TNS1: variants seen among roughly 807,000 people sequenced by gnomAD.
TNS1 encodes tensin 1, also known as tensin-1.
Under a neutral mutation model 168.6 loss-of-function variants are expected in TNS1, and 62 were observed. The ratio of observed to expected loss-of-function variants is 0.37; its 90% CI spans 0.30 to 0.45. TNS1 has a LOEUF of 0.45. Ranked by LOEUF, TNS1 falls within the 20% of genes least tolerant of loss-of-function variation. The pLI is 1.00. For missense variants in TNS1, 2,240 were observed against 2,339.4 expected (o/e 0.96, Z 0.88); for synonymous variants, 934 against 933.2 (o/e 1.00, Z -0.02).
At position 218,033,256 on chromosome 2, in the gene TNS1, A is replaced by T. The variant is rs1362573929; in HGVS notation, c.156+564T>A. ...TCCCTGGCAGACTCCTCCAGAGCAG[A>T]CACCTGCCTCCCAGCTCAGACCTGT... is the stretch of plus-strand genomic sequence containing the variant. On this transcript the variant is annotated intron_variant, in intron 1 of 1. Coordinates refer to the TNS1 transcript ENST00000649572. This position sits in a 1 kb window ranked among gnomAD's most constrained non-coding sequence, Gnocchi z 4.3. Among the ~76,000 whole-genome samples the T allele has an allele frequency of 6.6e-6, 1 of 152,100 alleles. No individual in the cohort carries two copies. Among genetic ancestry groups the T allele is most frequent in the African/African-American group, 2.4e-5 (1 of 41,422 alleles).
At chr2:217,871,878 C>T (rs868075142) in intron 18 of TNS1, among the ~76,000 whole-genome samples, 1 of 152,274 alleles carries the variant, frequency 6.6e-6, no homozygotes, top group African/African-American at 2.4e-5. Context: ...TGTGAGCAAC[C>T]TTTCCAGGCT....
intron 1 of TNS1, among the ~76,000 whole-genome samples, chr2:218,028,346 C>T (rs1958866674): frequency 6.6e-6 from 1 of 152,194 alleles, no homozygotes; most frequent in South Asian, 2.1e-4. Flanking sequence ...ACAGCTCCAC[C>T]CCGTACAGCA....
chr2:217,906,439 T>G, intron 5 of TNS1, 54 bp from the exon 6 acceptor site: 1 of 702,296 alleles, frequency 1.4e-6, no homozygotes, highest in Non-Finnish European at 2.6e-6. Flanking sequence ...ATAATCAAAA[T>G]GCACCTTGCT....
intron 1 of TNS1, among the ~76,000 whole-genome samples, chr2:218,017,961 G>C (rs924957992): frequency 5.3e-5 from 8 of 152,244 alleles, no homozygotes; most frequent in Non-Finnish European, 1.2e-4. Context: ...ACGCCTGAGG[G>C]AGAGGAGCCA....
intron 3 of TNS1, among the ~76,000 whole-genome samples, chr2:217,964,592 G>A (rs372654307): frequency 6.6e-6 from 1 of 152,200 alleles, no homozygotes; most frequent in African/African-American, 2.4e-5. Flanking sequence ...TCCTGTGTGT[G>A]CTAGGATATA....
At chr2:217,844,516 A>G (rs777033021) in intron 19 of TNS1, among the ~76,000 whole-genome samples, 2 of 152,146 alleles carry the variant, frequency 1.3e-5, no homozygotes, top group Non-Finnish European at 2.9e-5. Context: ...GCCATTCTCC[A>G]AACATTTTCT....
rs899795447 is a variant in TNS1 at position 217,981,028 on chromosome 2, C to A, written c.149-2226G>T. ...ATTTCCTGGTTATTTTCTGAAGTTGCCCTGGGTAACTTCTCTCTAATCTAT... is the reference window on the plus strand; with the variant it reads ...ATTTCCTGGTTATTTTCTGAAGTTGACCTGGGTAACTTCTCTCTAATCTAT... On this transcript the variant is annotated intron_variant, in intron 2 of 32. Coordinates refer to ENST00000682258, the MANE Select transcript of TNS1 (RefSeq NM_001387777.1). Among the ~76,000 whole-genome samples, 5 of 152,198 alleles carry A rather than the reference C, an allele frequency of 3.3e-5. 1 individual carries two copies. The East Asian group carries it at 9.6e-4, about 29-fold the overall frequency.
intron 18 of TNS1, chr2:217,849,756 A>G: frequency 1.0e-6 from 1 of 985,436 alleles, no homozygotes; most frequent in Non-Finnish European, 1.2e-6. Flanking sequence ...GAATGCCCAT[A>G]GAGGTATCAG....
chr2:217,818,275 G>T lies in TNS1; in HGVS notation c.4057C>A (p.His1353Asn), dbSNP rs768650809. The T allele has an allele frequency of 6.2e-7, 1 of 1,613,626 alleles. No individual in the cohort carries two copies. ...TTPGSPSLCR[H>N]PAGVYQVSGL... The stretch of plus-strand genomic sequence containing the variant: ...GAAACCTGGTAGACCCCTGCTGGGT[G>T]CCGACACAGGCTGGGGCTCCCCGGG... The change falls in exon 24 of 33, where the codon CAC becomes AAC. Residue 1353 changes from histidine to asparagine, a missense_variant. Transcript: ENST00000682258.
intron 18 of TNS1, among the ~76,000 whole-genome samples, chr2:217,850,826 C>G (rs1197920865): frequency 1.3e-5 from 2 of 152,166 alleles, no homozygotes; most frequent in Non-Finnish European, 2.9e-5. Flanking sequence ...GAACCACAGT[C>G]AGACAGCACC....
chr2:217,954,826 C>T (rs939391639), intron 3 of TNS1, among the ~76,000 whole-genome samples: 2 of 152,212 alleles, frequency 1.3e-5, no homozygotes, highest in Non-Finnish European at 2.9e-5. Context: ...GGGCTTCCTG[C>T]ACACATGGTG....
chr2:217,882,247 A>G (rs1950752051), intron 17 of TNS1, 99 bp downstream of exon 17: 1 of 810,020 alleles, frequency 1.2e-6, no homozygotes, highest in Non-Finnish European at 2.0e-6. Flanking sequence ...CTCAAAAATA[A>G]CTTGATCACT....
At chr2:217,982,492 C>A (rs1240647853) in intron 2 of TNS1, among the ~76,000 whole-genome samples, 1 of 150,202 alleles carries the variant, frequency 6.7e-6, no homozygotes, top group Non-Finnish European at 1.5e-5. Flanking sequence ...CAATCTCCAT[C>A]TACCAGGCTC....
intron 1 of TNS1, among the ~76,000 whole-genome samples, chr2:218,029,199 C>T (rs549124131): frequency 1.3e-5 from 2 of 149,148 alleles, no homozygotes; most frequent in African/African-American, 2.4e-5. Flanking sequence ...GCTTCTTTCT[C>T]CTTTCCCTCC....
intron 4 of TNS1, among the ~76,000 whole-genome samples, chr2:217,912,639 A>G (rs1230432592): frequency 6.6e-6 from 1 of 152,200 alleles, no homozygotes; most frequent in Admixed American, 6.5e-5. Context: ...AAATAGAATC[A>G]TAAGCAAATG....
At chr2:217,850,911 C>T (rs1415762481) in intron 18 of TNS1, among the ~76,000 whole-genome samples, 1 of 152,104 alleles carries the variant, frequency 6.6e-6, no homozygotes, top group Non-Finnish European at 1.5e-5. Flanking sequence ...GCCAACACTT[C>T]GCCAGGCACT....
At chr2:217,996,512 A>C (rs572330828) in intron 1 of TNS1, among the ~76,000 whole-genome samples, 14 of 151,738 alleles carry the variant, frequency 9.2e-5, no homozygotes, top group African/African-American at 2.9e-4. Flanking sequence ...CCCCACCCCC[A>C]TGCCCTAGCC....
Position 217,956,174 on chromosome 2 carries a change from A to ATT in TNS1, c.186+22589_186+22590dup, listed in dbSNP as rs991363059. On this transcript the variant is annotated intron_variant, in intron 3 of 32. Coordinates refer to ENST00000682258, the MANE Select transcript of TNS1 (RefSeq NM_001387777.1). ...TGTTTGTTTGGCTTGGTTAAAAAGA[A>ATT]TTTTTTTTAATAGAAACAGTGTCTT... is the stretch of plus-strand genomic sequence containing the variant. Among the ~76,000 whole-genome samples the ATT allele has an allele frequency of 5.9e-5, 9 of 152,072 alleles. No homozygotes were observed. In the South Asian group the frequency reaches 8.3e-4, roughly 14 times the overall value.
intron 3 of TNS1, among the ~76,000 whole-genome samples, chr2:217,956,033 C>T (rs1472726864): frequency 6.6e-6 from 1 of 152,162 alleles, no homozygotes; most frequent in African/African-American, 2.4e-5. Flanking sequence ...CATGAGCCCC[C>T]CCACCAAGTC....
Sources: gnomAD v4.1 joint callset for allele counts (sites outside exome capture counted in the v4.1 genomes callset) on GRCh38, gnomAD v4.1.1 for gene constraint, Gnocchi (gnomAD v3.1) non-coding constraint, MANE v1.5 for transcripts, NCBI Gene and HGNC (gene_info 2026-07-23, HGNC 2026-07-21) for gene names.